Variants in DRC11 observed in about 807,000 individuals in gnomAD.
DRC11 encodes the protein IQ and AAA domain-containing protein 1.
chr2:236,455,892 T>A, the DRC11 span, among the ~76,000 whole-genome samples: 6 of 152,156 alleles, frequency 3.9e-5, no homozygotes, highest in Non-Finnish European at 8.8e-5. This position sits in a 1 kb window ranked among gnomAD's most constrained non-coding sequence, Gnocchi z 5.7. Context: ...TGTTTTTTTT[T>A]AATTTTTAGT....
At chr2:236,453,893 T>C in the DRC11 span, among the ~76,000 whole-genome samples, 1 of 152,232 alleles carries the variant, frequency 6.6e-6, no homozygotes, top group East Asian at 1.9e-4. The surrounding 1 kb of genome is among the most constrained non-coding windows in gnomAD (Gnocchi z 4.9). Flanking sequence ...CCACCCGTCT[T>C]GGCCTCCCAA....
the DRC11 span, among the ~76,000 whole-genome samples, chr2:236,416,005 GC>G: frequency 2.0e-5 from 3 of 151,956 alleles, no homozygotes; most frequent in Non-Finnish European, 4.4e-5. Context: ...TCCAGAACAA[GC>G]TAGAACTTCT....
At chr2:236,493,914 G>C in the DRC11 span, 5 of 1,559,498 alleles carry the variant, frequency 3.2e-6, no homozygotes, top group Non-Finnish European at 4.3e-6. Flanking sequence ...ATAAAAAAGA[G>C]TATTTCCGTC....
the DRC11 span, among the ~76,000 whole-genome samples, chr2:236,307,028 G>T: frequency 6.6e-6 from 1 of 152,136 alleles, no homozygotes; most frequent in African/African-American, 2.4e-5. The surrounding 1 kb of genome is among the most constrained non-coding windows in gnomAD (Gnocchi z 7.0). Flanking sequence ...GATGGGGCGG[G>T]GTGATTGTGG....
At chr2:236,356,984 TTATATATC>T in the DRC11 span, among the ~76,000 whole-genome samples, 1 of 110,232 alleles carries the variant, frequency 9.1e-6, no homozygotes, top group Non-Finnish European at 1.9e-5. Flanking sequence ...TATTCATATA[TTATATATC>T]TATATATTTA....
the DRC11 span, among the ~76,000 whole-genome samples, chr2:236,430,261 T>C: frequency 1.3e-5 from 2 of 152,180 alleles, no homozygotes; most frequent in African/African-American, 4.8e-5. The surrounding 1 kb of genome is among the most constrained non-coding windows in gnomAD (Gnocchi z 6.0). Flanking sequence ...GTTTGCCAAT[T>C]GTATAGGTGA....
At chr2:236,383,242 T>C in the DRC11 span, among the ~76,000 whole-genome samples, 443 of 152,320 alleles carry the variant, frequency 2.9e-3, no homozygotes, top group Non-Finnish European at 4.5e-3. Context: ...TAGCATATAA[T>C]TGTTCATAAC....
the DRC11 span, among the ~76,000 whole-genome samples, chr2:236,384,598 C>CATTTCGTA: frequency 6.6e-6 from 1 of 152,088 alleles, no homozygotes; most frequent in South Asian, 2.1e-4. Flanking sequence ...AATTTTCTCC[C>CATTTCGTA]ATTTCGTAGG....
the DRC11 span, among the ~76,000 whole-genome samples, chr2:236,502,792 TA>T: frequency 6.6e-6 from 1 of 151,572 alleles, no homozygotes; most frequent in African/African-American, 2.4e-5. Context: ...CTGTCTCTAC[TA>T]AAATCACAAA....
the DRC11 span, among the ~76,000 whole-genome samples, chr2:236,445,500 T>A: frequency 4.6e-4 from 66 of 142,478 alleles, no homozygotes; most frequent in Non-Finnish European, 7.5e-4. This position sits in a 1 kb window ranked among gnomAD's most constrained non-coding sequence, Gnocchi z 4.8. Flanking sequence ...GCTTGACTAC[T>A]TTTTTTTTTT....
the DRC11 span, among the ~76,000 whole-genome samples, chr2:236,502,548 C>CAAAAAAAAAAAAAAAA: frequency 8.6e-4 from 13 of 15,092 alleles, 2 homozygotes; most frequent in African/African-American, 1.4e-3. Context: ...TGCACTCCAG[C>CAAAAAAAAAAAAAAAA]AAAAAAAAAA....
chr2:236,443,636 G>A, the DRC11 span, among the ~76,000 whole-genome samples: 1 of 152,142 alleles, frequency 6.6e-6, no homozygotes, highest in Non-Finnish European at 1.5e-5. This position sits in a 1 kb window ranked among gnomAD's most constrained non-coding sequence, Gnocchi z 4.4. Flanking sequence ...GGGCATTTGA[G>A]TTGATTCCAT....
At chr2:236,450,841 T>C in the DRC11 span, among the ~76,000 whole-genome samples, 1 of 152,364 alleles carries the variant, frequency 6.6e-6, no homozygotes, top group African/African-American at 2.4e-5. Context: ...TAAAGTTGAC[T>C]ATCCAGTGCC....
chr2:236,314,294 A>G, the DRC11 span, among the ~76,000 whole-genome samples: 9 of 152,234 alleles, frequency 5.9e-5, 1 homozygote, highest in Non-Finnish European at 1.2e-4. The surrounding 1 kb of genome is among the most constrained non-coding windows in gnomAD (Gnocchi z 4.5). Flanking sequence ...ATTTGCTACA[A>G]GTCCACAACC....
chr2:236,373,726 T>C, the DRC11 span, among the ~76,000 whole-genome samples: 6 of 152,222 alleles, frequency 3.9e-5, no homozygotes, highest in African/African-American at 1.4e-4. Flanking sequence ...GTCCAATACT[T>C]TTAGAAGGAA....
the DRC11 span, among the ~76,000 whole-genome samples, chr2:236,353,397 C>A: frequency 6.6e-6 from 1 of 152,140 alleles, no homozygotes; most frequent in South Asian, 2.1e-4. The surrounding 1 kb of genome is among the most constrained non-coding windows in gnomAD (Gnocchi z 5.0). Flanking sequence ...TGGGCTTGAT[C>A]TTTTGTATTT....
chr2:236,507,450 G>C, the DRC11 span: 5 of 634,140 alleles, frequency 7.9e-6, no homozygotes, highest in African/African-American at 5.5e-5. Flanking sequence ...GGTGAGGCCG[G>C]GTTTGCTTCG....
At chr2:236,459,519 ATGTATACATGTATACGTATACG>A in the DRC11 span, among the ~76,000 whole-genome samples, 1 of 93,126 alleles carries the variant, frequency 1.1e-5, no homozygotes, top group Non-Finnish European at 2.3e-5. Flanking sequence ...ATACGTATAC[ATGTATACATGTATACGTATACG>A]TATACGTATA....
the DRC11 span, among the ~76,000 whole-genome samples, chr2:236,344,841 C>T: frequency 5.7e-5 from 8 of 140,126 alleles, no homozygotes; most frequent in East Asian, 2.1e-4. Context: ...AATGCGCTTC[C>T]CTCTCAGGTG....
Sources: gnomAD v4.1 joint callset for allele counts (sites outside exome capture counted in the v4.1 genomes callset) on GRCh38, gnomAD v4.1.1 for gene constraint, Gnocchi (gnomAD v3.1) non-coding constraint, MANE v1.5 for transcripts, NCBI Gene and HGNC (gene_info 2026-07-23, HGNC 2026-07-21) for gene names.